Variants in NRXN1 observed in about 807,000 individuals in gnomAD.
NRXN1 encodes neurexin-1.
In NRXN1, 39 loss-of-function variants were observed where a neutral mutation model predicts 150.9. The observed-to-expected ratio is 0.26, with a 90% CI of 0.20 to 0.34. The LOEUF is 0.34. NRXN1 is among the 10% of genes least tolerant of loss of function. The pLI, the probability that NRXN1 is intolerant of heterozygous loss-of-function variation, is 1.00. For missense variants in NRXN1, 1,815 were observed against 1,949.9 expected (o/e 0.93, Z 1.30); for synonymous variants, 924 against 757.0 (o/e 1.22, Z -3.62).
At chr2:50,500,121 G>GA (rs2091871812) in intron 13 of NRXN1, among the ~76,000 whole-genome samples, 2 of 151,710 alleles carry the variant, frequency 1.3e-5, no homozygotes, top group Admixed American at 1.3e-4. Context: ...AAAAAATTCT[G>GA]AAAAAAATAT....
At chr2:50,112,438 A>C (rs1702500656) in intron 18 of NRXN1, among the ~76,000 whole-genome samples, 1 of 152,238 alleles carries the variant, frequency 6.6e-6, no homozygotes. Flanking sequence ...CGGTAGACAG[A>C]GACAAATCCG....
At chr2:50,826,972 C>G (rs1239513239) in intron 5 of NRXN1, among the ~76,000 whole-genome samples, 2 of 152,146 alleles carry the variant, frequency 1.3e-5, no homozygotes, top group Non-Finnish European at 2.9e-5. Context: ...GAGCAGAAGT[C>G]AGCAAGAAAG....
At chr2:50,275,513 T>C (rs746888918) in intron 17 of NRXN1, among the ~76,000 whole-genome samples, 1 of 151,946 alleles carries the variant, frequency 6.6e-6, no homozygotes, top group Non-Finnish European at 1.5e-5. Flanking sequence ...AAAAAAAAAA[T>C]CTATTCATGG....
intron 2 of NRXN1, chr2:50,964,000 G>A (rs755914704): frequency 2.5e-5 from 11 of 439,144 alleles, no homozygotes; most frequent in South Asian, 1.6e-4. Context: ...ATGAAAAATA[G>A]AGCAACATGC....
At chr2:50,842,023 A>G (rs1672952747) in intron 5 of NRXN1, among the ~76,000 whole-genome samples, 1 of 152,180 alleles carries the variant, frequency 6.6e-6, no homozygotes, top group Non-Finnish European at 1.5e-5. Context: ...ATATCAAATA[A>G]CTAGCTTGAA....
intron 17 of NRXN1, among the ~76,000 whole-genome samples, chr2:50,340,732 A>T (rs2077489190): frequency 6.6e-6 from 1 of 152,118 alleles, no homozygotes; most frequent in Non-Finnish European, 1.5e-5. Context: ...GAGAGAGAGA[A>T]ACAGAGAAAA....
intron 17 of NRXN1, among the ~76,000 whole-genome samples, chr2:50,397,056 C>T (rs2082098110): frequency 6.6e-6 from 1 of 152,058 alleles, no homozygotes. Flanking sequence ...GGTCTCAGGT[C>T]TTCAGGTGAC....
intron 17 of NRXN1, among the ~76,000 whole-genome samples, chr2:50,331,945 T>C (rs1046231608): frequency 1.3e-5 from 2 of 152,162 alleles, no homozygotes; most frequent in African/African-American, 4.8e-5. Context: ...TACCCCCAGA[T>C]TACTCAATAG....
intron 5 of NRXN1, among the ~76,000 whole-genome samples, chr2:50,813,258 A>G (rs946751406): frequency 6.6e-6 from 1 of 152,158 alleles, no homozygotes; most frequent in Non-Finnish European, 1.5e-5. Flanking sequence ...ATGCACAGCC[A>G]TGAATTTACT....
Position 49,922,261 on chromosome 2 carries a change from AGAG to A in NRXN1, c.4217-13_4217-11del. ...GCTCGGGTTGGGTTGGCTATAGAAA[AGAG>A]GATGAGAACAAACACAAAGTGATCA... On this transcript the variant is annotated splice_polypyrimidine_tract_variant and intron_variant, in intron 22 of 22. Transcript: ENST00000401669. 1 of 1,610,280 alleles carries A rather than the reference AGAG, an allele frequency of 6.2e-7. No homozygotes were observed. The highest frequency in any genetic ancestry group is 8.5e-7 in the Non-Finnish European group (1 of 1,177,806).
chr2:50,334,025 C>G (rs540171885), intron 17 of NRXN1, among the ~76,000 whole-genome samples: 6 of 151,866 alleles, frequency 4.0e-5, no homozygotes, highest in Admixed American at 3.3e-4. Flanking sequence ...GAGCCCTGCC[C>G]TGCTCTTTGG....
chr2:50,289,115 G>T (rs961289526), intron 17 of NRXN1, among the ~76,000 whole-genome samples: 2 of 152,138 alleles, frequency 1.3e-5, no homozygotes, highest in Non-Finnish European at 2.9e-5. Flanking sequence ...AGTTAGCTTG[G>T]TTTGGGAAAT....
chr2:50,891,601 T>A (rs1681075868), intron 5 of NRXN1, among the ~76,000 whole-genome samples: 1 of 152,044 alleles, frequency 6.6e-6, no homozygotes, highest in Non-Finnish European at 1.5e-5. Flanking sequence ...AAATGACTGA[T>A]TAAAACAGAT....
At chr2:50,309,835 C>T (rs879494544) in intron 17 of NRXN1, among the ~76,000 whole-genome samples, 8 of 151,146 alleles carry the variant, frequency 5.3e-5, no homozygotes, top group Admixed American at 4.0e-4. Context: ...GAGAGCCTAG[C>T]GGAAGCAGAG....
chr2:50,014,453 T>C (rs1353121774), intron 21 of NRXN1, among the ~76,000 whole-genome samples: 3 of 152,134 alleles, frequency 2.0e-5, no homozygotes, highest in Non-Finnish European at 2.9e-5. Context: ...CTGTGCACTG[T>C]ATGATGGTTA....
intron 21 of NRXN1, among the ~76,000 whole-genome samples, chr2:49,988,881 C>T (rs1053700993): frequency 1.3e-5 from 2 of 152,074 alleles, no homozygotes; most frequent in African/African-American, 4.8e-5. Flanking sequence ...AAACTTATAA[C>T]AAGTTATTTT....
intron 21 of NRXN1, among the ~76,000 whole-genome samples, chr2:50,038,900 C>G (rs1690479369): frequency 6.6e-6 from 1 of 151,592 alleles, no homozygotes; most frequent in Non-Finnish European, 1.5e-5. Flanking sequence ...CAAAGAAAGG[C>G]TGGGAGCGGT....
In NRXN1 at chr2:50,243,508, C is replaced by G. The variant is rs1400553582; in HGVS notation, c.3365-6538G>C. 3.3e-5 allele frequency among the ~76,000 whole-genome samples: 5 copies of G among 151,718 alleles called. No homozygotes were observed. In the East Asian group the frequency reaches 9.7e-4, roughly 29 times the overall value. On this transcript the variant is annotated intron_variant, in intron 17 of 22. Coordinates refer to ENST00000401669, the MANE Select transcript of NRXN1 (RefSeq NM_001330078.2). ...ATGCAAACTGAGCAAGACAGGGAGA[C>G]TCAAACTTGTGAGCACACTATTTTC...
At chr2:49,946,117 G>A (rs1426769648) in intron 21 of NRXN1, among the ~76,000 whole-genome samples, 1 of 152,132 alleles carries the variant, frequency 6.6e-6, no homozygotes, top group Admixed American at 6.5e-5. Flanking sequence ...GTTTTGATTT[G>A]CATTGCTCTG....
Sources: allele counts gnomAD v4.1 joint callset (sites outside exome capture counted in the v4.1 genomes callset), GRCh38; gene constraint gnomAD v4.1.1; transcripts MANE v1.5; gene names NCBI Gene and HGNC (gene_info 2026-07-23, HGNC 2026-07-21).